CRHR1: variants seen among roughly 807,000 people sequenced by gnomAD.
CRHR1 encodes corticotropin releasing hormone receptor 1.
In CRHR1, 28 loss-of-function variants were observed where a neutral mutation model predicts 56.0. The ratio of observed to expected loss-of-function variants is 0.50; its 90% CI spans 0.37 to 0.69. The LOEUF (loss-of-function observed/expected upper bound fraction) is 0.69, where lower values mean the gene tolerates loss of function less well. Ranked by LOEUF, CRHR1 falls within the 30% of genes least tolerant of loss-of-function variation. CRHR1 has a pLI of 0.00. For synonymous variants in CRHR1, 195 were observed against 216.5 expected (o/e 0.90, Z 0.87); for missense variants, 376 against 548.0 (o/e 0.69, Z 3.13).
chr17:45,807,164 C>A, intron 2 of CRHR1, 67 bp downstream of exon 2: 1 of 1,411,996 alleles, frequency 7.1e-7, no homozygotes, highest in Non-Finnish European at 1.0e-6. Flanking sequence ...CCAGGTATCC[C>A]AGAGCCTGCA....
intron 4 of CRHR1, among the ~76,000 whole-genome samples, chr17:45,822,162 A>G (rs374881063): frequency 1.8e-4 from 27 of 152,288 alleles, no homozygotes; most frequent in African/African-American, 6.0e-4. Flanking sequence ...ATAATCATCT[A>G]TCTTAGAGAT....
chr17:45,829,759 C>T, intron 5 of CRHR1: 1 of 1,108,460 alleles, frequency 9.0e-7, no homozygotes, highest in Non-Finnish European at 1.3e-6. Context: ...AGGGCTGACC[C>T]CTGTGACTGT....
chr17:45,801,985 C>T (rs2061631771), intron 1 of CRHR1, among the ~76,000 whole-genome samples: 1 of 152,108 alleles, frequency 6.6e-6, no homozygotes, highest in Non-Finnish European at 1.5e-5. Context: ...ACTGCCCGCT[C>T]CCCAGGTTAA....
chr17:45,826,519 C>G (rs1270589319), intron 4 of CRHR1: 2 of 152,378 alleles, frequency 1.3e-5, no homozygotes, highest in East Asian at 3.9e-4. Context: ...GAGACTTTGT[C>G]CCCCGGGAAT....
At chr17:45,824,356 C>T (rs767724235) in intron 4 of CRHR1, among the ~76,000 whole-genome samples, 6 of 152,192 alleles carry the variant, frequency 3.9e-5, no homozygotes, top group Admixed American at 1.3e-4. Flanking sequence ...GGCTGCAGGC[C>T]GCACTGTCTG....
At chr17:45,823,761 G>A (rs1004256751) in intron 4 of CRHR1, among the ~76,000 whole-genome samples, 1 of 152,210 alleles carries the variant, frequency 6.6e-6, no homozygotes. Context: ...GGCAAGCTTT[G>A]GTTAGCCCCA....
intron 1 of CRHR1, among the ~76,000 whole-genome samples, chr17:45,797,388 T>C (rs989834872): frequency 1.3e-5 from 2 of 150,182 alleles, no homozygotes; most frequent in Admixed American, 1.3e-4. Flanking sequence ...CCTCCCGGGT[T>C]CATGCCATTC....
At chr17:45,798,084 A>C (rs908821254) in intron 1 of CRHR1, among the ~76,000 whole-genome samples, 1 of 152,016 alleles carries the variant, frequency 6.6e-6, no homozygotes, top group East Asian at 1.9e-4. Flanking sequence ...GCCCCCTACA[A>C]TCTCCTGCTG....
chr17:45,830,946 T>A lies in CRHR1; in HGVS notation c.770+6T>A, dbSNP rs749477904. The A allele has an allele frequency of 2.2e-5, 36 of 1,613,580 alleles. No homozygotes were observed. The highest frequency in any genetic ancestry group is 2.8e-5 in the Non-Finnish European group (33 of 1,179,760). On this transcript the variant is annotated splice_donor_region_variant and intron_variant, in intron 8 of 12. Coordinates refer to ENST00000314537, the MANE Select transcript of CRHR1 (RefSeq NM_004382.5). ...CTGTACTACGACAATGAGAAGTAAGTCATCTCCTTTCCCTTCCTGACCCCA... is the reference window on the plus strand; with the variant it reads ...CTGTACTACGACAATGAGAAGTAAGACATCTCCTTTCCCTTCCTGACCCCA...
chr17:45,827,663 C>G (rs2062195367), intron 4 of CRHR1: 1 of 152,228 alleles, frequency 6.6e-6, no homozygotes, highest in African/African-American at 2.4e-5. Context: ...CTGCCATGTT[C>G]CAGAAAGCCT....
At chr17:45,816,609 T>G in intron 3 of CRHR1, 27 bp downstream of exon 3, 1 of 1,613,588 alleles carries the variant, frequency 6.2e-7, no homozygotes, top group Non-Finnish European at 8.5e-7. Flanking sequence ...GGGTGGACCA[T>G]CTGCTGGGAG....
chr17:45,796,448 C>T (rs1568033499), intron 1 of CRHR1, among the ~76,000 whole-genome samples: 1 of 152,160 alleles, frequency 6.6e-6, no homozygotes, highest in Non-Finnish European at 1.5e-5. Context: ...GTTTGAAAGG[C>T]AAAGGAAACC....
At chr17:45,788,488 A>G (rs1001626087) in intron 1 of CRHR1, among the ~76,000 whole-genome samples, 1 of 152,186 alleles carries the variant, frequency 6.6e-6, no homozygotes, top group Non-Finnish European at 1.5e-5. Flanking sequence ...GCTCAAGCTG[A>G]GGGACCTTGG....
chr17:45,804,982 T>C (rs2061693475), intron 1 of CRHR1, among the ~76,000 whole-genome samples: 1 of 151,916 alleles, frequency 6.6e-6, no homozygotes, highest in Non-Finnish European at 1.5e-5. Flanking sequence ...ACCTGGCTAA[T>C]TTTTGTATTT....
At chr17:45,802,096 G>A (rs1353196134) in intron 1 of CRHR1, among the ~76,000 whole-genome samples, 3 of 151,844 alleles carry the variant, frequency 2.0e-5, no homozygotes, top group Non-Finnish European at 2.9e-5. Context: ...AGGCCGAGGC[G>A]GGCTGATCAC....
At chr17:45,788,431 G>A (rs568543316) in intron 1 of CRHR1, among the ~76,000 whole-genome samples, 1 of 152,290 alleles carries the variant, frequency 6.6e-6, no homozygotes, top group East Asian at 1.9e-4. Context: ...CATAGAAAGA[G>A]GGGGGTGCCA....
intron 8 of CRHR1, among the ~76,000 whole-genome samples, chr17:45,832,049 C>A (rs531367161): frequency 7.0e-6 from 1 of 142,980 alleles, no homozygotes; most frequent in African/African-American, 2.5e-5. Flanking sequence ...GGTGAAACCC[C>A]GTATCTACTA....
intron 1 of CRHR1, among the ~76,000 whole-genome samples, chr17:45,806,695 G>A (rs2061726520): frequency 6.6e-6 from 1 of 152,180 alleles, no homozygotes; most frequent in Non-Finnish European, 1.5e-5. Flanking sequence ...GATGGAGGTG[G>A]CTTCCTCTGG....
chr17:45,818,006 C>G (rs1352846600), intron 3 of CRHR1, among the ~76,000 whole-genome samples: 1 of 152,192 alleles, frequency 6.6e-6, no homozygotes, highest in Admixed American at 6.5e-5. Flanking sequence ...GACGATAACT[C>G]TCACGATGCT....
Sources: allele counts gnomAD v4.1 joint callset (sites outside exome capture counted in the v4.1 genomes callset), GRCh38; gene constraint gnomAD v4.1.1; transcripts MANE v1.5; gene names NCBI Gene and HGNC (gene_info 2026-07-23, HGNC 2026-07-21).